The following GATC variants were observed in gnomAD, a reference collection of about 807,000 sequenced individuals.
The protein encoded by GATC is glutamyl-tRNA(Gln) amidotransferase subunit C, mitochondrial.
GATC carries 11 observed loss-of-function variants against 14.4 expected under a neutral mutation model. The ratio of observed to expected loss-of-function variants is 0.77; its 90% CI spans 0.48 to 1.27. The LOEUF (loss-of-function observed/expected upper bound fraction) is 1.27. GATC is among the 50% of genes most tolerant of loss of function. The pLI is 0.00. For synonymous variants in GATC, 76 were observed against 79.3 expected (o/e 0.96, Z 0.22); for missense variants, 204 against 183.0 (o/e 1.11, Z -0.66).
At chr12:120,451,761 C>CA (rs1183848785) in intron 2 of GATC, among the ~76,000 whole-genome samples, 4 of 151,052 alleles carry the variant, frequency 2.6e-5, no homozygotes, top group African/African-American at 7.3e-5. Flanking sequence ...AACAAACAAA[C>CA]AAAAAACGCC....
At chr12:120,458,006 T>C (rs1292133476) in intron 3 of GATC, among the ~76,000 whole-genome samples, 1 of 152,130 alleles carries the variant, frequency 6.6e-6, no homozygotes, top group Non-Finnish European at 1.5e-5. Flanking sequence ...AGGAGGAGCA[T>C]GGCTGCTACC....
chr12:120,451,634 C>T (rs775448066), intron 2 of GATC, among the ~76,000 whole-genome samples: 9 of 151,036 alleles, frequency 6.0e-5, no homozygotes, highest in African/African-American at 1.9e-4. Flanking sequence ...CCTAGCTGTT[C>T]GGGAGGCTGA....
intron 3 of GATC, among the ~76,000 whole-genome samples, chr12:120,458,770 A>G (rs1055358692): frequency 2.6e-5 from 4 of 152,210 alleles, no homozygotes; most frequent in Non-Finnish European, 5.9e-5. Flanking sequence ...ACTCCACAGA[A>G]GACATTGGCC....
At chr12:120,446,851 C>T in intron 2 of GATC, 22 bp downstream of exon 2, 1 of 1,576,316 alleles carries the variant, frequency 6.3e-7, no homozygotes, top group South Asian at 1.1e-5. Context: ...GCTGCAGCCC[C>T]GAAGCCTTGA....
intron 2 of GATC, among the ~76,000 whole-genome samples, chr12:120,455,476 C>G (rs1279996304): frequency 3.3e-5 from 5 of 151,774 alleles, no homozygotes; most frequent in Non-Finnish European, 5.9e-5. Context: ...GCCTTTCTCC[C>G]CCACACCCCG....
At chr12:120,449,192 C>T (rs1222628484) in intron 2 of GATC, among the ~76,000 whole-genome samples, 1 of 152,148 alleles carries the variant, frequency 6.6e-6, no homozygotes, top group East Asian at 1.9e-4. Flanking sequence ...ATCTCCTGAC[C>T]TCGTGATCTG....
intron 2 of GATC, among the ~76,000 whole-genome samples, chr12:120,453,903 T>C (rs1349252837): frequency 6.6e-6 from 1 of 151,326 alleles, no homozygotes; most frequent in Non-Finnish European, 1.5e-5. Flanking sequence ...AACTCCATCA[T>C]AACCAATAAC....
chr12:120,458,317 G>A (rs1026503700), intron 3 of GATC, among the ~76,000 whole-genome samples: 8 of 151,902 alleles, frequency 5.3e-5, no homozygotes, highest in Admixed American at 4.6e-4. Flanking sequence ...TCTTGAACTG[G>A]TGATCTACCC....
intron 2 of GATC, among the ~76,000 whole-genome samples, chr12:120,449,763 GA>G (rs1877987480): frequency 6.7e-6 from 1 of 148,992 alleles, no homozygotes; most frequent in African/African-American, 2.5e-5. Flanking sequence ...AATGTTTAAT[GA>G]ATTTTTTTTT....
Position 120,460,238 on chromosome 12 carries a change from TCTGCCTTTAA to T in GATC, c.*282_*291del. The T allele has an allele frequency of 3.6e-6, 1 of 279,962 alleles. No individual in the cohort carries two copies. The highest frequency in any genetic ancestry group is 6.8e-6 in the Non-Finnish European group (1 of 146,742). 17.3% of individuals were successfully genotyped at this position (279,962 alleles called of 1,614,324 possible). A position where few individuals can be genotyped will look rare whatever the true frequency, so the allele number is the denominator to read the frequency against. On this transcript the variant is annotated 3_prime_UTR_variant, in exon 4 of 4. Coordinates refer to ENST00000551765, the MANE Select transcript of GATC (RefSeq NM_176818.3). ...TGTTCAGTATGGAAGACATTATTTA[TCTGCCTTTAA>T]CTCCCCCCAAAGGACCATACCAACT...
In GATC at chr12:120,460,123, A is replaced by C; in HGVS notation, c.*164A>C. ...TCTTCTGAAGACAGAATTGGGAAAG[A>C]TCTGGCCCCAACAAGGCAGTGAGTT... On this transcript the variant is annotated 3_prime_UTR_variant, in exon 4 of 4. Coordinates refer to ENST00000551765, the MANE Select transcript of GATC (RefSeq NM_176818.3). 1.8e-6 allele frequency: 1 copy of C among 558,624 alleles called. No individual in the cohort carries two copies. 34.6% of individuals were successfully genotyped at this position (558,624 alleles called of 1,614,324 possible).
intron 2 of GATC, among the ~76,000 whole-genome samples, chr12:120,451,875 CTT>C (rs1170221029): frequency 4.4e-5 from 4 of 90,836 alleles, no homozygotes; most frequent in East Asian, 3.9e-4. Flanking sequence ...TATATAAATT[CTT>C]TTTTTTTTTT....
Position 120,461,311 on chromosome 12 carries a change from G to T in GATC, c.*1352G>T, listed in dbSNP as rs868533887. 9 of 151,926 alleles carry T rather than the reference G, an allele frequency of 5.9e-5. No individual in the cohort carries two copies. Among genetic ancestry groups the T allele is most frequent in the Non-Finnish European group, 1.2e-4 (8 of 68,012 alleles). 9.4% of individuals were successfully genotyped at this position (151,926 alleles called of 1,614,324 possible). A position where few individuals can be genotyped will look rare whatever the true frequency, so the allele number is the denominator to read the frequency against. ...GTTTTGCTATGTTGCCTATCTGGTC[G>T]TGAACTCCTGGCCTCAAGGGATCCT... is the stretch of plus-strand genomic sequence containing the variant. On this transcript the variant is annotated 3_prime_UTR_variant, in exon 4 of 4. Coordinates refer to ENST00000551765, the MANE Select transcript of GATC (RefSeq NM_176818.3).
chr12:120,454,772 G>T (rs1288453297), intron 2 of GATC, among the ~76,000 whole-genome samples: 6 of 150,356 alleles, frequency 4.0e-5, no homozygotes, highest in Non-Finnish European at 8.9e-5. Context: ...AAGTCCAAGG[G>T]TTACCTTTGA....
intron 2 of GATC, 23 bp from the exon 3 acceptor site, chr12:120,457,053 C>A: frequency 1.3e-6 from 2 of 1,546,410 alleles, no homozygotes; most frequent in Non-Finnish European, 1.8e-6. Context: ...GAGAGGGTAA[C>A]CTTGAGCTTC....
chr12:120,462,291 G>T lies in GATC; in HGVS notation c.*2332G>T. The T allele has an allele frequency of 1.0e-6, 1 of 960,052 alleles. No homozygotes were observed. Among genetic ancestry groups the T allele is most frequent in the Non-Finnish European group, 1.5e-6 (1 of 663,000 alleles). The allele number at this position is 960,052 out of a possible 1,614,324, so 59.5% of individuals were successfully genotyped here. ...CTGTGTACTCTGTGCCTGGCATGAG[G>T]CTATCTCATTAAACCTTCATAACAT... On this transcript the variant is annotated 3_prime_UTR_variant, in exon 4 of 4. Transcript: ENST00000551765.
chr12:120,449,113 C>T (rs1403307813), intron 2 of GATC, among the ~76,000 whole-genome samples: 1 of 151,952 alleles, frequency 6.6e-6, no homozygotes, highest in Non-Finnish European at 1.5e-5. Flanking sequence ...CAAGTGCCCA[C>T]TACCACGCCT....
Position 120,451,143 on chromosome 12 carries a change from C to CAAAAAAAAAA in GATC, c.254+4322_254+4331dup, listed in dbSNP as rs143607117. On this transcript the variant is annotated intron_variant, in intron 2 of 3. Coordinates refer to ENST00000551765, the MANE Select transcript of GATC (RefSeq NM_176818.3). Reference sequence around the variant, plus strand: ...TGGGCGACAGAGCAAGACTCCATCTCAAAAAAAAAAAAAAAAAGGTAGACT... The same window carrying CAAAAAAAAAA: ...TGGGCGACAGAGCAAGACTCCATCTCAAAAAAAAAAAAAAAAAAAAAAAAAAAGGTAGACT... 3.5e-5 allele frequency among the ~76,000 whole-genome samples: 2 copies of CAAAAAAAAAA among 56,484 alleles called. 1 individual carries two copies. Among genetic ancestry groups the CAAAAAAAAAA allele is most frequent in the Non-Finnish European group, 5.9e-5 (2 of 34,042 alleles). 37.1% of individuals were successfully genotyped at this position (56,484 alleles called of 152,430 possible). A position where few individuals can be genotyped will look rare whatever the true frequency, so the allele number is the denominator to read the frequency against.
chr12:120,459,585 G>A (rs1269147356), intron 3 of GATC, among the ~76,000 whole-genome samples: 6 of 152,152 alleles, frequency 3.9e-5, no homozygotes, highest in Non-Finnish European at 7.3e-5. Context: ...GGCCGGGCGC[G>A]GTGGCTCATG....
Sources: gnomAD v4.1 joint callset for allele counts (sites outside exome capture counted in the v4.1 genomes callset) on GRCh38, gnomAD v4.1.1 for gene constraint, MANE v1.5 for transcripts, NCBI Gene and HGNC (gene_info 2026-07-23, HGNC 2026-07-21) for gene names.